Variants in UGT2B11 observed in about 807,000 individuals in gnomAD.
UGT2B11 encodes the protein UDP-glucuronosyltransferase 2B11.
UGT2B11 carries 49 observed loss-of-function variants against 51.7 expected under a neutral mutation model. That is an observed-to-expected ratio of 0.95 (90% CI 0.75 to 1.20). The LOEUF (loss-of-function observed/expected upper bound fraction) is 1.20, where lower values mean the gene tolerates loss of function less well. Among genes scored for constraint, UGT2B11 ranks in the 50% most tolerant of loss-of-function variants. The pLI, the probability that UGT2B11 is intolerant of heterozygous loss-of-function variation, is 0.00. For missense variants in UGT2B11, 810 were observed against 622.1 expected (o/e 1.30, Z -3.21); for synonymous variants, 273 against 209.0 (o/e 1.31, Z -2.64).
chr4:69,200,836 A>G (rs1721630913), intron 5 of UGT2B11, 117 bp from the exon 6 acceptor site: 1 of 1,240,638 alleles, frequency 8.1e-7, no homozygotes, highest in Non-Finnish European at 1.1e-6. Context: ...CAAAGAATTG[A>G]CAGAGAATTT....
chr4:69,212,338 A>C (rs1722096994), intron 2 of UGT2B11, among the ~76,000 whole-genome samples: 1 of 151,540 alleles, frequency 6.6e-6, no homozygotes, highest in Non-Finnish European at 1.5e-5. Context: ...ATTTTACTTT[A>C]ATCAACCCTA....
At position 69,200,248 on chromosome 4, in the gene UGT2B11, T is replaced by C. The variant is rs1721596778; in HGVS notation, c.*192A>G. 14 of 764,880 alleles carry C rather than the reference T, an allele frequency of 1.8e-5. No individual in the cohort carries two copies. The South Asian group carries it at 5.2e-4, about 28-fold the overall frequency. The allele number at this position is 764,880 out of a possible 1,614,324, so 47.4% of individuals were successfully genotyped here. A position where few individuals can be genotyped will look rare whatever the true frequency, so the allele number is the denominator to read the frequency against. On this transcript the variant is annotated 3_prime_UTR_variant, in exon 6 of 6. Coordinates refer to ENST00000446444, the MANE Select transcript of UGT2B11 (RefSeq NM_001073.3). ...TTTCTTCATTGCCACAAAATATTTCTAACCATTACCTGGGTGGTAAATCTC... is the reference window on the plus strand; with the variant it reads ...TTTCTTCATTGCCACAAAATATTTCCAACCATTACCTGGGTGGTAAATCTC...
chr4:69,213,326 T>C (rs1337912470), intron 1 of UGT2B11, among the ~76,000 whole-genome samples: 3 of 151,808 alleles, frequency 2.0e-5, no homozygotes, highest in Admixed American at 6.6e-5. Context: ...GTACTCAACC[T>C]TAATCTGTCT....
intron 4 of UGT2B11, among the ~76,000 whole-genome samples, 159 bp from the exon 5 acceptor site, chr4:69,204,808 TGTA>T (rs1217486094): frequency 1.3e-5 from 2 of 151,758 alleles, no homozygotes; most frequent in East Asian, 3.9e-4. Flanking sequence ...GTTTAGGAGA[TGTA>T]ACTGAAAGCT....
chr4:69,204,397 A>T (rs1721770343), intron 5 of UGT2B11, 33 bp downstream of exon 5: 9 of 1,608,996 alleles, frequency 5.6e-6, no homozygotes, highest in Non-Finnish European at 5.9e-6. Flanking sequence ...CTGTCCACAA[A>T]TACCACCTAG....
In UGT2B11 at chr4:69,201,001, G is replaced by T. The variant is rs7660248; in HGVS notation, c.1311-282C>A. Among the ~76,000 whole-genome samples the T allele has an allele frequency of 4.3e-3, 657 of 151,152 alleles. 6 individuals carry two copies. Among genetic ancestry groups the T allele is most frequent in the Non-Finnish European group, 6.7e-3 (453 of 67,652 alleles). ...AAGGCATTTTAACTGGCTTTTAATT[G>T]TTTAATGTTAAGTTTTTGTGGGTCC... On this transcript the variant is annotated intron_variant, in intron 5 of 5. Coordinates refer to ENST00000446444, the MANE Select transcript of UGT2B11 (RefSeq NM_001073.3).
chr4:69,223,398 C>T, the UGT2B11 span, among the ~76,000 whole-genome samples: 1 of 152,158 alleles, frequency 6.6e-6, no homozygotes, highest in Non-Finnish European at 1.5e-5. Context: ...AGCTCATGGC[C>T]ACTTTTCCTG....
the UGT2B11 span, among the ~76,000 whole-genome samples, chr4:69,223,204 A>G: frequency 6.6e-6 from 1 of 152,172 alleles, no homozygotes; most frequent in Non-Finnish European, 1.5e-5. Context: ...GAAGACAATC[A>G]GCCACTTCTT....
intron 5 of UGT2B11, among the ~76,000 whole-genome samples, chr4:69,202,422 C>G (rs1721693780): frequency 6.6e-6 from 1 of 151,566 alleles, no homozygotes; most frequent in Non-Finnish European, 1.5e-5. Flanking sequence ...TTTTTAACCT[C>G]CTTTATTTCC....
intron 1 of UGT2B11, 74 bp downstream of exon 1, chr4:69,213,928 T>C (rs1722165174): frequency 1.3e-6 from 2 of 1,482,394 alleles, no homozygotes; most frequent in Admixed American, 2.4e-5. Flanking sequence ...CCTGACTTTA[T>C]GGCTTTATAA....
chr4:69,215,539 T>C (rs1448508494), upstream of UGT2B11: 2 of 152,104 alleles, frequency 1.3e-5, no homozygotes, highest in East Asian at 1.9e-4. Flanking sequence ...TTGATAGATA[T>C]TGATTTTCTT....
intron 3 of UGT2B11, among the ~76,000 whole-genome samples, chr4:69,205,845 C>T (rs1019095888): frequency 6.6e-6 from 1 of 151,610 alleles, no homozygotes; most frequent in African/African-American, 2.4e-5. Flanking sequence ...TAAAAGAAGA[C>T]CTACCTGCAG....
At chr4:69,217,392 T>G (rs1260993997), upstream of UGT2B11, among the ~76,000 whole-genome samples, 1 of 152,150 alleles carries the variant, frequency 6.6e-6, no homozygotes, top group African/African-American at 2.4e-5. Context: ...GGAACACAGT[T>G]TCTGAGCAAA....
chr4:69,212,773 C>T (rs757955836), intron 1 of UGT2B11, 52 bp from the exon 2 acceptor site: 51 of 1,557,184 alleles, frequency 3.3e-5, no homozygotes, highest in Non-Finnish European at 4.0e-5. Flanking sequence ...AATTACTTTA[C>T]ATACCTTTCT....
chr4:69,200,665 C>T lies in UGT2B11; in HGVS notation c.1365G>A (p.Lys455=), dbSNP rs182764915. 106 of 1,612,154 alleles carry T rather than the reference C, an allele frequency of 6.6e-5. No homozygotes were observed. Among genetic ancestry groups the T allele is most frequent in the Non-Finnish European group, 8.7e-5 (102 of 1,178,800 alleles). ...LSRIQHDQPV[K]PLDRAVFWIE... The stretch of plus-strand genomic sequence containing the variant: ...TCCAGAAGACTGCTCGATCCAGGGG[C>T]TTTACTGGTTGATCATGTTGAATTC... The change falls in exon 6 of 6, where the codon AAG becomes AAA. Residue 455 remains lysine (K), a synonymous_variant. Transcript: ENST00000446444.
upstream of UGT2B11, chr4:69,215,447 T>C (rs1300479314): frequency 9.2e-5 from 14 of 152,146 alleles, no homozygotes; most frequent in African/African-American, 3.4e-4. Flanking sequence ...ATCCGTAGAA[T>C]AGTGTAAATA....
At chr4:69,212,909 A>T (rs1257201589) in intron 1 of UGT2B11, among the ~76,000 whole-genome samples, 188 bp from the exon 2 acceptor site, 1 of 151,048 alleles carries the variant, frequency 6.6e-6, no homozygotes, top group Admixed American at 6.6e-5. Flanking sequence ...TTTATAAGAA[A>T]GGCAAAGTGG....
chr4:69,203,060 C>T (rs753704374), intron 5 of UGT2B11, among the ~76,000 whole-genome samples: 1 of 151,124 alleles, frequency 6.6e-6, no homozygotes, highest in Non-Finnish European at 1.5e-5. Context: ...CTTCAAAGAC[C>T]ATCATCAAAA....
chr4:69,210,311 G>A (rs1392232726), intron 2 of UGT2B11, among the ~76,000 whole-genome samples: 2 of 151,302 alleles, frequency 1.3e-5, no homozygotes, highest in Admixed American at 6.6e-5. Context: ...ATTTTTTTAT[G>A]ATTTCACGTG....
Sources: gnomAD v4.1 joint callset for allele counts (sites outside exome capture counted in the v4.1 genomes callset) on GRCh38, gnomAD v4.1.1 for gene constraint, MANE v1.5 for transcripts, NCBI Gene and HGNC (gene_info 2026-07-23, HGNC 2026-07-21) for gene names.